Variants in CMSS1 observed in about 807,000 individuals in gnomAD.
CMSS1 encodes protein CMSS1.
A neutral mutation model predicts 43.5 loss-of-function variants in CMSS1; 33 were observed. The observed-to-expected ratio is 0.76, with a 90% CI of 0.57 to 1.01. The LOEUF (loss-of-function observed/expected upper bound fraction) is 1.01, where lower values mean the gene tolerates loss of function less well. Among genes scored for constraint, CMSS1 ranks in the 50% least tolerant of loss-of-function variants. The pLI is 0.00. For missense variants in CMSS1, 313 were observed against 326.4 expected (o/e 0.96, Z 0.32); for synonymous variants, 115 against 117.2 (o/e 0.98, Z 0.12).
At chr3:100,130,544 C>T (rs1476977753) in intron 1 of CMSS1, among the ~76,000 whole-genome samples, 2 of 152,186 alleles carry the variant, frequency 1.3e-5, no homozygotes, top group Admixed American at 6.5e-5. Flanking sequence ...AGGGGGACCA[C>T]AGCCCAGTAG....
At chr3:99,973,464 A>G (rs923479936) in intron 1 of CMSS1, among the ~76,000 whole-genome samples, 8 of 152,226 alleles carry the variant, frequency 5.3e-5, no homozygotes, top group Non-Finnish European at 1.0e-4. Flanking sequence ...ATATGCAGTT[A>G]TAAATACATA....
At chr3:99,895,406 C>T (rs1242511346) in intron 1 of CMSS1, among the ~76,000 whole-genome samples, 1 of 149,870 alleles carries the variant, frequency 6.7e-6, no homozygotes, top group African/African-American at 2.5e-5. Context: ...ACTATGTATC[C>T]CATAACATAT....
intron 1 of CMSS1, among the ~76,000 whole-genome samples, chr3:100,141,802 A>G (rs1256413310): frequency 6.6e-6 from 1 of 152,178 alleles, no homozygotes; most frequent in Non-Finnish European, 1.5e-5. Context: ...GAGTTGGGGA[A>G]GAGGCAGTGC....
chr3:99,909,801 T>C (rs966919161), intron 1 of CMSS1, among the ~76,000 whole-genome samples: 2 of 152,226 alleles, frequency 1.3e-5, no homozygotes, highest in African/African-American at 4.8e-5. Flanking sequence ...CCATTTCCAT[T>C]CAACTGCCTA....
chr3:99,836,347 G>A (rs1184126521), intron 1 of CMSS1, among the ~76,000 whole-genome samples: 1 of 152,132 alleles, frequency 6.6e-6, no homozygotes. Context: ...CATCAATAGA[G>A]GCGAGACAAA....
At chr3:99,927,679 A>G (rs1362133527) in intron 1 of CMSS1, among the ~76,000 whole-genome samples, 2 of 152,066 alleles carry the variant, frequency 1.3e-5, no homozygotes, top group Admixed American at 6.5e-5. Context: ...CATATTTTCT[A>G]TAATATATTT....
chr3:99,839,921 ACT>A (rs1483781635), intron 1 of CMSS1, among the ~76,000 whole-genome samples: 3 of 151,990 alleles, frequency 2.0e-5, no homozygotes, highest in African/African-American at 7.3e-5. Flanking sequence ...TAAGAGTGGA[ACT>A]CTTATAGAGT....
intron 1 of CMSS1, among the ~76,000 whole-genome samples, chr3:99,892,742 G>C (rs569777211): frequency 6.6e-6 from 1 of 152,006 alleles, no homozygotes; most frequent in African/African-American, 2.4e-5. Flanking sequence ...ACCCTCAAAG[G>C]CTTGCCCTTA....
In CMSS1 at chr3:100,010,848, C is replaced by T. The variant is rs988638123; in HGVS notation, c.65-136125C>T. On this transcript the variant is annotated intron_variant, in intron 1 of 9. Transcript: ENST00000421999. ...TTCAGCATGTTGGTCAGGCTGGTCT[C>T]GAACTCCTGACCTCATGATCCGCCT... Among the ~76,000 whole-genome samples the T allele has an allele frequency of 4.3e-5, 6 of 137,964 alleles. No individual in the cohort carries two copies. In the Middle Eastern group the frequency reaches 0.019, roughly 430 times the overall value. The allele number at this position is 137,964 out of a possible 152,430, so 90.5% of individuals were successfully genotyped here.
rs145174917 is a variant in CMSS1 at position 99,926,797 on chromosome 3, G to A, written c.64+108754G>A. ...TAGAAGGTTTATTTAATCCACTCTT[G>A]CTTTCCATTGTTTTTTTCCCTTTAT... is the stretch of plus-strand genomic sequence containing the variant. On this transcript the variant is annotated intron_variant, in intron 1 of 9. Coordinates refer to ENST00000421999, the MANE Select transcript of CMSS1 (RefSeq NM_032359.4). Among the ~76,000 whole-genome samples, 40 of 152,248 alleles carry A rather than the reference G, an allele frequency of 2.6e-4. No individual in the cohort carries two copies. The East Asian group carries it at 7.7e-3, about 29-fold the overall frequency.
chr3:99,825,612 A>G (rs1012272884), intron 1 of CMSS1, among the ~76,000 whole-genome samples: 19 of 152,182 alleles, frequency 1.2e-4, no homozygotes, highest in Admixed American at 9.2e-4. Flanking sequence ...CCTAAATTGC[A>G]TGTCAGGTAG....
chr3:99,851,466 G>A (rs1943694031), intron 1 of CMSS1, among the ~76,000 whole-genome samples: 1 of 152,170 alleles, frequency 6.6e-6, no homozygotes, highest in Non-Finnish European at 1.5e-5. Context: ...ATTGATCTGG[G>A]CAGTTATTTA....
intron 1 of CMSS1, among the ~76,000 whole-genome samples, chr3:100,140,739 A>G (rs1483502928): frequency 6.6e-6 from 1 of 152,108 alleles, no homozygotes; most frequent in East Asian, 1.9e-4. Context: ...GCCTGAGCTT[A>G]TGCAATTTCA....
chr3:99,882,490 G>T (rs1200494732), intron 1 of CMSS1, among the ~76,000 whole-genome samples: 1 of 152,192 alleles, frequency 6.6e-6, no homozygotes, highest in African/African-American at 2.4e-5. Context: ...TGTGCTTAGA[G>T]TTTTATTAAG....
At chr3:100,064,629 A>T (rs1372081358) in intron 1 of CMSS1, among the ~76,000 whole-genome samples, 2 of 152,232 alleles carry the variant, frequency 1.3e-5, no homozygotes, top group African/African-American at 4.8e-5. Context: ...GGAGACTGGC[A>T]AAAGGGCTTG....
chr3:99,894,405 C>T (rs1048647098), intron 1 of CMSS1, among the ~76,000 whole-genome samples: 1 of 152,178 alleles, frequency 6.6e-6, no homozygotes, highest in African/African-American at 2.4e-5. Flanking sequence ...GCCCCATTAG[C>T]TTTGTGTGCT....
intron 1 of CMSS1, among the ~76,000 whole-genome samples, chr3:100,140,932 A>G (rs1436232708): frequency 6.6e-6 from 1 of 152,206 alleles, no homozygotes; most frequent in African/African-American, 2.4e-5. Flanking sequence ...TAAAGAAAAA[A>G]CATAGTTTCT....
At chr3:100,118,985 T>A (rs2066598389) in intron 1 of CMSS1, among the ~76,000 whole-genome samples, 1 of 152,150 alleles carries the variant, frequency 6.6e-6, no homozygotes, top group Admixed American at 6.5e-5. Flanking sequence ...TGTTGTTTTT[T>A]TTGTTTCGTT....
At chr3:100,036,049 C>A (rs1415018511) in intron 1 of CMSS1, among the ~76,000 whole-genome samples, 1 of 152,134 alleles carries the variant, frequency 6.6e-6, no homozygotes, top group East Asian at 1.9e-4. Context: ...ACATAGAACC[C>A]AAAACTAAAA....
Sources: allele counts gnomAD v4.1 joint callset (sites outside exome capture counted in the v4.1 genomes callset), GRCh38; gene constraint gnomAD v4.1.1; transcripts MANE v1.5; gene names NCBI Gene and HGNC (gene_info 2026-07-23, HGNC 2026-07-21).